The following ARHGAP22 variants were observed in gnomAD, a reference collection of about 807,000 sequenced individuals.
ARHGAP22 encodes Rho GTPase activating protein 22, also known as rho GTPase-activating protein 22.
ARHGAP22 carries 48 observed loss-of-function variants against 59.1 expected under a neutral mutation model. The ratio of observed to expected loss-of-function variants is 0.81; its 90% CI spans 0.64 to 1.03. The LOEUF (loss-of-function observed/expected upper bound fraction) is 1.03, where lower values mean the gene tolerates loss of function less well. Ranked by LOEUF, ARHGAP22 falls within the 50% of genes least tolerant of loss-of-function variation. The pLI is 0.00. For synonymous variants in ARHGAP22, 445 were observed against 416.4 expected (o/e 1.07, Z -0.84); for missense variants, 1,015 against 958.7 (o/e 1.06, Z -0.78).
chr10:48,653,756 C>A (rs992894921), upstream of ARHGAP22, among the ~76,000 whole-genome samples: 18 of 152,200 alleles, frequency 1.2e-4, no homozygotes, highest in Admixed American at 4.6e-4. Context: ...CATCCCACGA[C>A]CTGGTGTACA....
downstream of ARHGAP22, among the ~76,000 whole-genome samples, chr10:48,441,635 G>GT (rs1350841615): frequency 6.6e-6 from 1 of 152,020 alleles, no homozygotes; most frequent in Non-Finnish European, 1.5e-5. Context: ...TGTATTTTTA[G>GT]TAGAGACAGG....
chr10:48,640,597 A>G (rs750734466), intron 1 of ARHGAP22, among the ~76,000 whole-genome samples: 21 of 152,198 alleles, frequency 1.4e-4, no homozygotes, highest in Non-Finnish European at 7.3e-5. Context: ...AAAAATACAA[A>G]CTGTTAATTA....
chr10:48,569,463 G>A (rs1387324520), intron 2 of ARHGAP22, among the ~76,000 whole-genome samples: 1 of 152,182 alleles, frequency 6.6e-6, no homozygotes, highest in Non-Finnish European at 1.5e-5. Context: ...CAAACACAAT[G>A]AAACATAAGT....
At chr10:48,489,980 G>A (rs941556668) in intron 3 of ARHGAP22, among the ~76,000 whole-genome samples, 15 of 152,018 alleles carry the variant, frequency 9.9e-5, no homozygotes, top group Non-Finnish European at 1.8e-4. Flanking sequence ...TGATCCACCC[G>A]CCTAGGCCTC....
chr10:48,498,087 A>G (rs1020409654), intron 3 of ARHGAP22, among the ~76,000 whole-genome samples: 1 of 152,166 alleles, frequency 6.6e-6, no homozygotes, highest in African/African-American at 2.4e-5. Context: ...CCCAACTTGC[A>G]TAAGGCTCCC....
chr10:48,564,607 T>C (rs537842677), intron 2 of ARHGAP22, among the ~76,000 whole-genome samples: 1 of 152,352 alleles, frequency 6.6e-6, no homozygotes, highest in African/African-American at 2.4e-5. Context: ...GCACTGCCCA[T>C]GCCCTACTCA....
intron 1 of ARHGAP22, among the ~76,000 whole-genome samples, chr10:48,610,927 T>C (rs2060859439): frequency 1.3e-5 from 2 of 152,214 alleles, no homozygotes; most frequent in Non-Finnish European, 2.9e-5. Context: ...GTGAGTCCTT[T>C]TCAGAAGCAG....
rs11599746 is a variant in ARHGAP22 at position 48,521,982 on chromosome 10, G to A, written c.322+33481C>T. Reference sequence around the variant, plus strand: ...CCAAATAACCCTTCCCGTGTTTATTGCAGAACTAATTGTGAACAATGGTTC... The same window carrying A: ...CCAAATAACCCTTCCCGTGTTTATTACAGAACTAATTGTGAACAATGGTTC... On this transcript the variant is annotated intron_variant, in intron 3 of 9. Transcript: ENST00000249601. Among the ~76,000 whole-genome samples, 1,090 of 152,342 alleles carry A rather than the reference G, an allele frequency of 7.2e-3. 7 individuals carry two copies. Among genetic ancestry groups the A allele is most frequent in the Admixed American group, 0.015 (223 of 15,310 alleles).
chr10:48,630,248 C>T (rs1482847394), intron 1 of ARHGAP22, among the ~76,000 whole-genome samples: 1 of 152,130 alleles, frequency 6.6e-6, no homozygotes, highest in African/African-American at 2.4e-5. Context: ...CCCGCCACCT[C>T]GCTCGGCTAA....
At chr10:48,613,262 A>G (rs554788062) in intron 1 of ARHGAP22, among the ~76,000 whole-genome samples, 43 of 152,302 alleles carry the variant, frequency 2.8e-4, no homozygotes, top group African/African-American at 9.9e-4. Flanking sequence ...TACCACTGTC[A>G]TGTGACAGAA....
At chr10:48,635,734 C>G (rs944874067) in intron 1 of ARHGAP22, among the ~76,000 whole-genome samples, 1 of 152,234 alleles carries the variant, frequency 6.6e-6, no homozygotes, top group African/African-American at 2.4e-5. Flanking sequence ...TGGTGTCACT[C>G]TTTGCCCCAT....
chr10:48,618,392 A>C (rs1365840928), intron 1 of ARHGAP22, among the ~76,000 whole-genome samples: 1 of 152,084 alleles, frequency 6.6e-6, no homozygotes, highest in Non-Finnish European at 1.5e-5. Context: ...ACACAATAAC[A>C]ACAACAAAAC....
intron 3 of ARHGAP22, among the ~76,000 whole-genome samples, chr10:48,529,756 A>G (rs892984688): frequency 6.6e-6 from 1 of 152,240 alleles, no homozygotes; most frequent in Non-Finnish European, 1.5e-5. Flanking sequence ...AAAAATAGGC[A>G]TATAGACGAT....
At chr10:48,454,414 C>T (rs951413983) in intron 6 of ARHGAP22, among the ~76,000 whole-genome samples, 1 of 152,192 alleles carries the variant, frequency 6.6e-6, no homozygotes, top group African/African-American at 2.4e-5. Flanking sequence ...GGAGGAATGT[C>T]AGGGCCAGCA....
At chr10:48,479,615 C>G (rs2049086844) in intron 4 of ARHGAP22, 21 bp downstream of exon 4, 6 of 1,613,722 alleles carry the variant, frequency 3.7e-6, no homozygotes, top group Admixed American at 1.7e-5. Flanking sequence ...AGAGGGTGGG[C>G]ATGCGATCTA....
intron 1 of ARHGAP22, among the ~76,000 whole-genome samples, chr10:48,591,031 C>T (rs1223533232): frequency 2.0e-5 from 3 of 152,198 alleles, no homozygotes; most frequent in Admixed American, 1.3e-4. Flanking sequence ...CAACATTGCT[C>T]TTATGTGGCA....
intron 2 of ARHGAP22, among the ~76,000 whole-genome samples, chr10:48,562,556 G>C (rs2057757544): frequency 6.6e-6 from 1 of 152,196 alleles, no homozygotes; most frequent in Non-Finnish European, 1.5e-5. Context: ...AGTACATACT[G>C]TGTGATTCCA....
At chr10:48,654,773 A>ATTT (rs2062693996), upstream of ARHGAP22, among the ~76,000 whole-genome samples, 70 of 112,334 alleles carry the variant, frequency 6.2e-4, 1 homozygote, top group Non-Finnish European at 1.1e-3. Flanking sequence ...CATGCTGATT[A>ATTT]CTTTCTTTCT....
chr10:48,583,208 C>T, intron 1 of ARHGAP22, 56 bp from the exon 2 acceptor site: 1 of 1,561,028 alleles, frequency 6.4e-7, no homozygotes, highest in Non-Finnish European at 8.7e-7. Flanking sequence ...GCTATCAGTC[C>T]TGCCCCCATC....
Sources: gnomAD v4.1 joint callset for allele counts (sites outside exome capture counted in the v4.1 genomes callset) on GRCh38, gnomAD v4.1.1 for gene constraint, MANE v1.5 for transcripts, NCBI Gene and HGNC (gene_info 2026-07-23, HGNC 2026-07-21) for gene names.